ZNF573: variants seen among roughly 807,000 people sequenced by gnomAD.
ZNF573 encodes zinc finger protein 573.
In ZNF573, 41 loss-of-function variants were observed where a neutral mutation model predicts 57.4. The ratio of observed to expected loss-of-function variants is 0.71; its 90% CI spans 0.56 to 0.93. The LOEUF is 0.93. Ranked by LOEUF, ZNF573 falls within the 40% of genes least tolerant of loss-of-function variation. The probability of loss-of-function intolerance (pLI) is 0.00; values close to 1 mark genes in which losing one functional copy is unlikely to be tolerated. For missense variants in ZNF573, 730 were observed against 794.8 expected, an observed-to-expected ratio of 0.92 and a Z score of 0.98; for synonymous variants, 249 against 261.0, an observed-to-expected ratio of 0.95 and a Z score of 0.44.
intron 4 of ZNF573, among the ~76,000 whole-genome samples, chr19:37,746,782 C>T (rs918557912): frequency 2.1e-4 from 32 of 152,190 alleles, no homozygotes; most frequent in Admixed American, 1.3e-4. Context: ...CGGGGTTTCA[C>T]CATGTTGGCC....
intron 4 of ZNF573, among the ~76,000 whole-genome samples, chr19:37,762,448 C>T (rs974085030): frequency 6.6e-6 from 1 of 152,060 alleles, no homozygotes; most frequent in Admixed American, 6.6e-5. Context: ...GTTAACAAAA[C>T]ATTTTCTAAT....
At chr19:37,776,683 CAGAGT>C (rs1356539190) in intron 1 of ZNF573, among the ~76,000 whole-genome samples, 3 of 152,132 alleles carry the variant, frequency 2.0e-5, no homozygotes, top group African/African-American at 7.2e-5. Context: ...AAATAATCAG[CAGAGT>C]AAACAGACAA....
chr19:37,746,723 A>G (rs1029516233), intron 4 of ZNF573, among the ~76,000 whole-genome samples: 2 of 151,964 alleles, frequency 1.3e-5, no homozygotes, highest in Non-Finnish European at 2.9e-5. Context: ...GGCATTATGT[A>G]CAGACCCGCG....
chr19:37,739,328 A>T lies in ZNF573; in HGVS notation c.1162T>A (p.Cys388Ser). The T allele has an allele frequency of 6.2e-7, 1 of 1,614,010 alleles. No individual in the cohort carries two copies. Among genetic ancestry groups the T allele is most frequent in the Non-Finnish European group, 8.5e-7 (1 of 1,180,002 alleles). ...NIHTGEKLFECKQCGKTYTTG... is the reference protein window; with the variant it reads ...NIHTGEKLFESKQCGKTYTTG... ...GTATAGGTCTTCCCACATTGCTTGC[A>T]TTCAAAAAGTTTCTCACCAGTATGA... Residue 388 changes from cysteine (C) to serine (S), a missense_variant, in exon 5 of 5, where the codon TGC (cysteine) becomes AGC (serine). By Grantham distance (112) the Cys-to-Ser change is moderately radical. Transcript: ENST00000536220.
chr19:37,772,282 C>T (rs190857661), intron 2 of ZNF573, among the ~76,000 whole-genome samples: 84 of 151,980 alleles, frequency 5.5e-4, no homozygotes, highest in Admixed American at 5.0e-3. Flanking sequence ...TACAGGTGTG[C>T]AGGACCTGCC....
At chr19:37,752,031 G>A (rs1299880850) in intron 4 of ZNF573, among the ~76,000 whole-genome samples, 1 of 149,828 alleles carries the variant, frequency 6.7e-6, no homozygotes, top group Non-Finnish European at 1.5e-5. Flanking sequence ...TATATATACT[G>A]TATATAGTAT....
intron 3 of ZNF573, chr19:37,770,528 G>T (rs1270783121): frequency 1.3e-5 from 2 of 150,354 alleles, no homozygotes; most frequent in African/African-American, 5.0e-5. Context: ...ATTTTGGAAG[G>T]CCGAGGTGGG....
intron 4 of ZNF573, among the ~76,000 whole-genome samples, chr19:37,758,815 T>C (rs2045523515): frequency 6.6e-6 from 1 of 152,086 alleles, no homozygotes; most frequent in Non-Finnish European, 1.5e-5. Flanking sequence ...CTAGGAAGTA[T>C]ATGAAAAATA....
At chr19:37,740,782 C>A (rs1446513865) in intron 4 of ZNF573, 1 of 322,940 alleles carries the variant, frequency 3.1e-6, no homozygotes, top group African/African-American at 2.2e-5. Context: ...GATACCAAAA[C>A]CCAACCCAGA....
chr19:37,748,486 A>G (rs2045402835), intron 4 of ZNF573, among the ~76,000 whole-genome samples: 1 of 151,374 alleles, frequency 6.6e-6, no homozygotes, highest in Non-Finnish European at 1.5e-5. Flanking sequence ...CTTCTGCAAT[A>G]TTCTTGGCAA....
At chr19:37,757,966 T>G (rs2045506006) in intron 4 of ZNF573, among the ~76,000 whole-genome samples, 2 of 151,236 alleles carry the variant, frequency 1.3e-5, no homozygotes, top group Non-Finnish European at 2.9e-5. Context: ...CACTGCATAT[T>G]CTCACTCATA....
At chr19:37,755,901 A>G (rs896585799) in intron 4 of ZNF573, among the ~76,000 whole-genome samples, 2 of 152,196 alleles carry the variant, frequency 1.3e-5, no homozygotes, top group African/African-American at 4.8e-5. Flanking sequence ...TAATACATGA[A>G]ATAAAGAATA....
Position 37,773,710 on chromosome 19 carries a change from G to A in ZNF573, c.20C>T (p.Pro7Leu), listed in dbSNP as rs2045680193. The A allele has an allele frequency of 6.5e-7, 1 of 1,535,660 alleles. No homozygotes were observed. The change falls in exon 2 of 5, where the codon CCC becomes CTC. Residue 7 changes from proline (P) to leucine (L), a missense_variant. Pro to Leu is a moderately conservative substitution (Grantham distance 98, BLOSUM62 -3). Transcript: ENST00000536220. MFPVLE[P>L]HQVGLIRSYN... ...AGACCTGATCAGTCCTACTTGGTGG[G>A]GTTCCAATACTGGAAACATTCAAAC...
At chr19:37,762,774 CT>C (rs771487185) in intron 4 of ZNF573, among the ~76,000 whole-genome samples, 298 of 140,162 alleles carry the variant, frequency 2.1e-3, no homozygotes, top group Middle Eastern at 3.7e-3. Flanking sequence ...TGGAGCCAGT[CT>C]TTTTTTTTTT....
intron 4 of ZNF573, among the ~76,000 whole-genome samples, chr19:37,757,163 G>A (rs1243113638): frequency 1.3e-5 from 2 of 151,634 alleles, no homozygotes; most frequent in African/African-American, 2.4e-5. Flanking sequence ...ACCTCTCACT[G>A]CCTACCCACA....
At chr19:37,759,258 A>G (rs1245287904) in intron 4 of ZNF573, 1 of 451,096 alleles carries the variant, frequency 2.2e-6, no homozygotes, top group African/African-American at 2.1e-5. Flanking sequence ...TAGCACCATT[A>G]GAAATTTATA....
At chr19:37,761,456 C>A (rs967848116) in intron 4 of ZNF573, among the ~76,000 whole-genome samples, 1 of 152,158 alleles carries the variant, frequency 6.6e-6, no homozygotes, top group Non-Finnish European at 1.5e-5. Context: ...AGCCCTCTTC[C>A]CCAAGGCAAG....
rs2045369534 is a variant in ZNF573, at chr19:37,745,209, G to C, written c.296-5015C>G. On this transcript the variant is annotated intron_variant, in intron 4 of 4. Coordinates refer to ENST00000536220, the MANE Select transcript of ZNF573 (RefSeq NM_001172690.2). Reference sequence around the variant, plus strand: ...TGTGCCTCAGCTTCCCGAGTAGCTGGGGCCACAGGCACCCACCACTATGCT... The same window carrying C: ...TGTGCCTCAGCTTCCCGAGTAGCTGCGGCCACAGGCACCCACCACTATGCT... Among the ~76,000 whole-genome samples the C allele has an allele frequency of 1.3e-5, 2 of 151,964 alleles. 1 individual carries two copies. The highest frequency in any genetic ancestry group is 4.1e-4 in the South Asian group (2 of 4,824).
chr19:37,769,004 G>A (rs1042560225), intron 4 of ZNF573, among the ~76,000 whole-genome samples: 3 of 150,372 alleles, frequency 2.0e-5, no homozygotes, highest in Non-Finnish European at 4.4e-5. Context: ...TTACTCTGTC[G>A]CTCAGGCTGG....
Sources: allele counts gnomAD v4.1 joint callset (sites outside exome capture counted in the v4.1 genomes callset), GRCh38; gene constraint gnomAD v4.1.1; transcripts MANE v1.5; gene names NCBI Gene and HGNC (gene_info 2026-07-23, HGNC 2026-07-21).